Variants in ZMYM1 observed in about 807,000 individuals in gnomAD.
ZMYM1 encodes zinc finger MYM-type containing 1.
A neutral mutation model predicts 60.0 loss-of-function variants in ZMYM1; 39 were observed. The ratio of observed to expected loss-of-function variants is 0.65; its 90% CI spans 0.50 to 0.85. The LOEUF is 0.85. Ranked by LOEUF, ZMYM1 falls within the 40% of genes least tolerant of loss-of-function variation. The probability of loss-of-function intolerance (pLI) is 0.00; values close to 1 mark genes in which losing one functional copy is unlikely to be tolerated. For synonymous variants in ZMYM1, 413 were observed against 454.0 expected (o/e 0.91, Z 1.15); for missense variants, 1,171 against 1,309.5 (o/e 0.89, Z 1.63).
Position 35,097,545 on chromosome 1 carries a change from G to T in ZMYM1, c.398G>T (p.Arg133Ile), listed in dbSNP as rs753772217. The T allele has an allele frequency of 4.3e-6, 7 of 1,614,078 alleles. No individual in the cohort carries two copies. In the African/African-American group the frequency reaches 8.0e-5, roughly 18 times the overall value. ...GCCAGTTCACCAGTTCCTTCTAAGA[G>T]AACTTGTTCAAACTGCTCAAAGTAT... is the stretch of plus-strand genomic sequence containing the variant. ...SSASSPVPSK[R>I]TCSNCSKDIL... Residue 133 changes from arginine to isoleucine, a missense_variant, in exon 4 of 10, where the codon AGA (arginine) becomes ATA (isoleucine). By Grantham distance (97) the Arg-to-Ile change is moderately conservative. Transcript: ENST00000359858.
At chr1:35,112,524 TATAA>T (rs1427520414) in intron 9 of ZMYM1, among the ~76,000 whole-genome samples, 4 of 143,798 alleles carry the variant, frequency 2.8e-5, no homozygotes, top group Admixed American at 7.3e-5. Context: ...TATATAAAAA[TATAA>T]ATATATAATA....
chr1:35,113,794 T>C lies in ZMYM1; in HGVS notation c.1964T>C (p.Met655Thr). ...IICDETINSAMKEQLSICVRY... is the reference protein window; with the variant it reads ...IICDETINSATKEQLSICVRY... ...TGTGATGAGACAATCAATAGTGCCA[T>C]GAAAGAACAGCTTTCAATTTGTGTA... Residue 655 changes from methionine to threonine, a missense_variant, in exon 10 of 10, where the codon ATG becomes ACG. Physicochemically the swap from Met to Thr is moderately conservative, Grantham distance 81 (BLOSUM62 -1). Transcript: ENST00000359858. The C allele has an allele frequency of 6.2e-7, 1 of 1,613,892 alleles. No homozygotes were observed.
At chr1:35,092,513 T>C (rs1643080247) in intron 1 of ZMYM1, among the ~76,000 whole-genome samples, 1 of 152,174 alleles carries the variant, frequency 6.6e-6, no homozygotes, top group Non-Finnish European at 1.5e-5. Context: ...AGTGCTGGGA[T>C]TACAGGCATG....
chr1:35,107,094 G>A lies in ZMYM1; in HGVS notation c.807+2325G>A, dbSNP rs1295242199. Among the ~76,000 whole-genome samples, 70 of 149,910 alleles carry A rather than the reference G, an allele frequency of 4.7e-4. 1 individual carries two copies. Among genetic ancestry groups the A allele is most frequent in the Admixed American group, 3.1e-3 (47 of 15,126 alleles). On this transcript the variant is annotated intron_variant, in intron 6 of 9. Transcript: ENST00000359858. ...TCTCAATCTCCTGACCTCGTGATCCGCCCGCCTCGGCCTCCCAAAGTGCTG... is the reference window on the plus strand; with the variant it reads ...TCTCAATCTCCTGACCTCGTGATCCACCCGCCTCGGCCTCCCAAAGTGCTG...
At chr1:35,069,243 C>T (rs1642028265) in intron 1 of ZMYM1, among the ~76,000 whole-genome samples, 1 of 152,148 alleles carries the variant, frequency 6.6e-6, no homozygotes, top group Admixed American at 6.6e-5. Context: ...TCTCCATATC[C>T]TCATTGACAC....
At chr1:35,088,468 G>C (rs1300745008) in intron 1 of ZMYM1, among the ~76,000 whole-genome samples, 1 of 135,876 alleles carries the variant, frequency 7.4e-6, no homozygotes, top group Admixed American at 7.6e-5. Flanking sequence ...GTGTGTGTGT[G>C]TGTGTGTGTG....
chr1:35,099,448 G>A (rs1007681057), intron 4 of ZMYM1, among the ~76,000 whole-genome samples: 2 of 152,130 alleles, frequency 1.3e-5, no homozygotes, highest in African/African-American at 2.4e-5. Flanking sequence ...GATTTAGTGT[G>A]TAAGTTCTCC....
At position 35,104,471 on chromosome 1, in the gene ZMYM1, T is replaced by C; in HGVS notation, c.594+2T>C. Reference sequence around the variant, plus strand: ...AGCATGTGCCAGAAGACTGCTATTGTAAGTTCCAATTATAACCTTTACAGG... The same window carrying C: ...AGCATGTGCCAGAAGACTGCTATTGCAAGTTCCAATTATAACCTTTACAGG... On this transcript the variant is annotated splice_donor_variant, in intron 5 of 9. Transcript: ENST00000359858. LOFTEE classifies it high-confidence loss of function. 1 of 1,609,034 alleles carries C rather than the reference T, an allele frequency of 6.2e-7. No homozygotes were observed. The highest frequency in any genetic ancestry group is 1.1e-5 in the South Asian group (1 of 90,740).
At chr1:35,103,854 G>A (rs1643783700) in intron 4 of ZMYM1, among the ~76,000 whole-genome samples, 3 of 152,198 alleles carry the variant, frequency 2.0e-5, no homozygotes. Flanking sequence ...AGATTCTAGA[G>A]TTGCTCATGT....
At chr1:35,082,151 TCTA>T (rs1344497347) in intron 1 of ZMYM1, among the ~76,000 whole-genome samples, 5 of 152,240 alleles carry the variant, frequency 3.3e-5, no homozygotes, top group South Asian at 4.1e-4. Context: ...AACTAGAACT[TCTA>T]CTACAATGTT....
At chr1:35,078,490 A>G (rs932098274), upstream of ZMYM1, among the ~76,000 whole-genome samples, 11 of 147,464 alleles carry the variant, frequency 7.5e-5, no homozygotes, top group Admixed American at 7.4e-4. Flanking sequence ...GTCAAAAAAC[A>G]TTTAAAATAT....
chr1:35,087,132 A>G (rs1327495810), intron 1 of ZMYM1, among the ~76,000 whole-genome samples: 2 of 151,182 alleles, frequency 1.3e-5, no homozygotes, highest in African/African-American at 4.9e-5. Flanking sequence ...CTGGAACTAC[A>G]GGTGTGTGCC....
downstream of ZMYM1, among the ~76,000 whole-genome samples, chr1:35,116,747 A>T (rs1380519452): frequency 6.7e-6 from 1 of 149,774 alleles, no homozygotes; most frequent in Non-Finnish European, 1.5e-5. Flanking sequence ...ATAAGCCACC[A>T]CGCCCAGCCA....
intron 1 of ZMYM1, among the ~76,000 whole-genome samples, chr1:35,073,277 G>T: frequency 7.9e-6 from 1 of 126,630 alleles, no homozygotes; most frequent in African/African-American, 3.0e-5. Context: ...AGGAAAGAAA[G>T]AAGGAAGGAA....
At chr1:35,090,575 T>C in intron 1 of ZMYM1, among the ~76,000 whole-genome samples, 1 of 152,194 alleles carries the variant, frequency 6.6e-6, no homozygotes, top group East Asian at 1.9e-4. Context: ...TCAAAAGTTG[T>C]AAGATTGACC....
chr1:35,088,452 A>ATGTGTGTGTG (rs1436872757), intron 1 of ZMYM1, among the ~76,000 whole-genome samples: 1 of 101,664 alleles, frequency 9.8e-6, no homozygotes, highest in African/African-American at 4.9e-5. Context: ...ATATATATAT[A>ATGTGTGTGTG]TATGTGTGTG....
At chr1:35,074,153 G>T (rs1569850229) in intron 1 of ZMYM1, among the ~76,000 whole-genome samples, 1 of 152,226 alleles carries the variant, frequency 6.6e-6, no homozygotes, top group South Asian at 2.1e-4. Context: ...GGATCATCTT[G>T]TTTACTTTCC....
upstream of ZMYM1, among the ~76,000 whole-genome samples, chr1:35,078,500 T>C (rs1255754871): frequency 2.0e-5 from 3 of 151,604 alleles, no homozygotes; most frequent in Non-Finnish European, 4.4e-5. Context: ...ATTTAAAATA[T>C]GCCATTATTT....
chr1:35,104,306 A>C lies in ZMYM1; in HGVS notation c.431A>C (p.Asn144Thr). 1 of 1,579,310 alleles carries C rather than the reference A, an allele frequency of 6.3e-7. No homozygotes were observed. Among genetic ancestry groups the C allele is most frequent in the Non-Finnish European group, 8.6e-7 (1 of 1,166,620 alleles). Residue 144 changes from asparagine (N) to threonine (T), a missense_variant, in exon 5 of 10, where the codon AAT (asparagine) becomes ACT (threonine). Coordinates refer to ENST00000359858, the MANE Select transcript of ZMYM1 (RefSeq NM_024772.5). ...TTATTTATTCTTAGAGACATTTTAA[A>C]TCCAAAGGATGTGATTAGTGTCCAG... ...TCSNCSKDIL[N>T]PKDVISVQLE... is the part of the protein sequence containing the mutation.
Sources: allele counts gnomAD v4.1 joint callset (sites outside exome capture counted in the v4.1 genomes callset), GRCh38; gene constraint gnomAD v4.1.1; transcripts MANE v1.5; gene names NCBI Gene and HGNC (gene_info 2026-07-23, HGNC 2026-07-21).